The following THNSL1 variants were observed in gnomAD, a reference collection of about 807,000 sequenced individuals.
THNSL1 encodes the protein threonine synthase-like 1.
THNSL1 carries 48 observed loss-of-function variants against 50.4 expected under a neutral mutation model. The ratio of observed to expected loss-of-function variants is 0.95; its 90% confidence interval spans 0.76 to 1.21. THNSL1 has a LOEUF of 1.21. Among genes scored for constraint, THNSL1 ranks in the 50% most tolerant of loss-of-function variants. THNSL1 has a pLI of 0.00. For synonymous variants in THNSL1, 309 were observed against 306.1 expected, an observed-to-expected ratio of 1.01 and a Z score of -0.10; for missense variants, 896 against 871.7, an observed-to-expected ratio of 1.03 and a Z score of -0.35.
At chr10:25,017,507 A>G (rs968361171) in intron 1 of THNSL1, among the ~76,000 whole-genome samples, 1 of 152,090 alleles carries the variant, frequency 6.6e-6, no homozygotes, top group Non-Finnish European at 1.5e-5. Flanking sequence ...GATTAAAACA[A>G]CACAATGGCC....
chr10:24,986,973 G>T, the THNSL1 span, among the ~76,000 whole-genome samples: 2 of 152,072 alleles, frequency 1.3e-5, no homozygotes, highest in African/African-American at 4.8e-5. Flanking sequence ...CTTATAATAA[G>T]AAGTTTTCAG....
the THNSL1 span, among the ~76,000 whole-genome samples, chr10:24,996,802 G>C: frequency 6.6e-6 from 1 of 152,114 alleles, no homozygotes; most frequent in Admixed American, 6.5e-5. Flanking sequence ...CCTCTTGTTA[G>C]GGGCTGAGTT....
the THNSL1 span, chr10:24,952,387 T>C: frequency 4.1e-6 from 4 of 969,670 alleles, no homozygotes; most frequent in South Asian, 6.1e-5. The surrounding 1 kb of genome is among the most constrained non-coding windows in gnomAD (Gnocchi z 5.1). Context: ...GGTCCGAGGA[T>C]GGAAGCGATC....
At chr10:24,954,262 A>T in the THNSL1 span, among the ~76,000 whole-genome samples, 1 of 152,138 alleles carries the variant, frequency 6.6e-6, no homozygotes, top group Non-Finnish European at 1.5e-5. Flanking sequence ...TGGGTGGGGA[A>T]GATCTGTGGA....
At chr10:24,956,134 T>A in the THNSL1 span, among the ~76,000 whole-genome samples, 3 of 152,170 alleles carry the variant, frequency 2.0e-5, no homozygotes, top group Non-Finnish European at 4.4e-5. Flanking sequence ...CTTTTCTTTT[T>A]TTTTCCTTTC....
At chr10:25,012,508 C>T (rs1051452378), upstream of THNSL1, among the ~76,000 whole-genome samples, 2 of 152,218 alleles carry the variant, frequency 1.3e-5, no homozygotes, top group Non-Finnish European at 2.9e-5. Flanking sequence ...TAGGATCCCA[C>T]CTCTTGCATC....
the THNSL1 span, among the ~76,000 whole-genome samples, chr10:25,003,727 G>C: frequency 6.6e-6 from 1 of 152,096 alleles, no homozygotes; most frequent in Non-Finnish European, 1.5e-5. Flanking sequence ...TGTTATATAG[G>C]TAAACATGCA....
At chr10:24,960,054 C>A in the THNSL1 span, among the ~76,000 whole-genome samples, 1 of 152,020 alleles carries the variant, frequency 6.6e-6, no homozygotes, top group South Asian at 2.1e-4. Flanking sequence ...ATCCCCCACC[C>A]CCTTTCCCAT....
chr10:24,961,954 G>A, the THNSL1 span, among the ~76,000 whole-genome samples: 1 of 152,080 alleles, frequency 6.6e-6, no homozygotes, highest in Non-Finnish European at 1.5e-5. Context: ...GCTTCTTAGG[G>A]TTACTGTGAG....
the THNSL1 span, among the ~76,000 whole-genome samples, chr10:24,978,728 G>T: frequency 6.6e-6 from 1 of 152,134 alleles, no homozygotes; most frequent in African/African-American, 2.4e-5. Context: ...CAAATCATTG[G>T]TTCTGTATCC....
chr10:24,968,067 A>C, the THNSL1 span, among the ~76,000 whole-genome samples: 3 of 151,644 alleles, frequency 2.0e-5, no homozygotes, highest in African/African-American at 7.3e-5. Context: ...CACCAGTTAC[A>C]TCATCACTGG....
Position 25,020,238 on chromosome 10 carries a change from A to ATATATCTATATT in THNSL1, c.-215-1493_-215-1492insTTATATCTATAT, listed in dbSNP as rs1554772120. ...TTGAACTGTCATAATTTTCTTTAAA[A>ATATATCTATATT]TATATCTATATCTATATCTATATCT... On this transcript the variant is annotated intron_variant, in intron 1 of 2. Transcript: ENST00000376356. Among the ~76,000 whole-genome samples the ATATATCTATATT allele has an allele frequency of 6.4e-3, 805 of 126,634 alleles. 6 individuals carry two copies. Among genetic ancestry groups the ATATATCTATATT allele is most frequent in the African/African-American group, 0.019 (718 of 38,156 alleles). The allele number at this position is 126,634 out of a possible 152,430, so 83.1% of individuals were successfully genotyped here.
chr10:24,969,190 G>A, the THNSL1 span, among the ~76,000 whole-genome samples: 2 of 152,108 alleles, frequency 1.3e-5, no homozygotes, highest in African/African-American at 4.8e-5. Flanking sequence ...CACCGCGCCC[G>A]GCCACATTTG....
intron 1 of THNSL1, among the ~76,000 whole-genome samples, chr10:25,017,587 T>C (rs1010444424): frequency 2.6e-5 from 4 of 151,680 alleles, no homozygotes; most frequent in African/African-American, 9.7e-5. Context: ...GGGCTCTTAC[T>C]GAATTTCACT....
the THNSL1 span, among the ~76,000 whole-genome samples, chr10:25,004,102 G>A: frequency 3.4e-4 from 52 of 152,078 alleles, no homozygotes; most frequent in Non-Finnish European, 6.3e-4. Context: ...CAAAGAATAC[G>A]ATCTCATTCT....
the THNSL1 span, chr10:24,952,511 A>G: frequency 1.1e-5 from 17 of 1,581,260 alleles, no homozygotes; most frequent in Non-Finnish European, 1.4e-5. This position sits in a 1 kb window ranked among gnomAD's most constrained non-coding sequence, Gnocchi z 5.1. Flanking sequence ...GCCCCAAAAT[A>G]GGGAGTTTGC....
upstream of THNSL1, among the ~76,000 whole-genome samples, chr10:25,014,439 T>C (rs112665974): frequency 0.029 from 4,367 of 152,188 alleles, 141 homozygotes; most frequent in African/African-American, 0.077. Context: ...AGAACAGATA[T>C]ACTAGTGCAA....
chr10:24,973,373 A>C, the THNSL1 span, among the ~76,000 whole-genome samples: 19 of 150,998 alleles, frequency 1.3e-4, no homozygotes, highest in South Asian at 6.3e-4. Flanking sequence ...GGATCTGCTG[A>C]ACAAAGGGAC....
chr10:25,016,205 A>G, upstream of THNSL1: 1 of 1,167,094 alleles, frequency 8.6e-7, no homozygotes, highest in South Asian at 3.8e-5. Context: ...AGTGGCAGGC[A>G]GCACCGCAAA....
Sources: allele counts gnomAD v4.1 joint callset (sites outside exome capture counted in the v4.1 genomes callset), GRCh38; gene constraint gnomAD v4.1.1; non-coding constraint Gnocchi (gnomAD v3.1); transcripts MANE v1.5; gene names NCBI Gene and HGNC (gene_info 2026-07-23, HGNC 2026-07-21).